ROBO2: variants seen among roughly 807,000 people sequenced by gnomAD.
ROBO2 encodes roundabout guidance receptor 2, also known as roundabout homolog 2.
In ROBO2, 53 loss-of-function variants were observed where a neutral mutation model predicts 160.8. The observed-to-expected ratio is 0.33, with a 90% CI of 0.26 to 0.41. The LOEUF is 0.41. Among genes scored for constraint, ROBO2 ranks in the 10% least tolerant of loss-of-function variants. The pLI is 1.00. For synonymous variants in ROBO2, 664 were observed against 611.7 expected, an observed-to-expected ratio of 1.09 and a Z score of -1.26; for missense variants, 1,577 against 1,722.4, an observed-to-expected ratio of 0.92 and a Z score of 1.49.
intron 1 of ROBO2, among the ~76,000 whole-genome samples, chr3:75,923,272 T>C (rs1449090114): frequency 6.6e-6 from 1 of 152,216 alleles, no homozygotes; most frequent in African/African-American, 2.4e-5. Flanking sequence ...ATGCTTTTAT[T>C]GTGATAGATG....
intron 23 of ROBO2, chr3:77,633,761 C>T (rs960156120): frequency 6.6e-6 from 1 of 152,088 alleles, no homozygotes; most frequent in African/African-American, 2.4e-5. Flanking sequence ...AACTAAAATA[C>T]GTTGTAATAG....
At chr3:76,440,139 GAT>G (rs941464004) in intron 2 of ROBO2, among the ~76,000 whole-genome samples, 1 of 152,170 alleles carries the variant, frequency 6.6e-6, no homozygotes, top group Non-Finnish European at 1.5e-5. Flanking sequence ...GATGTGAAAT[GAT>G]GTGGGGGGAA....
intron 2 of ROBO2, among the ~76,000 whole-genome samples, chr3:77,460,398 G>A (rs565948790): frequency 3.9e-5 from 6 of 152,204 alleles, no homozygotes; most frequent in African/African-American, 1.4e-4. Flanking sequence ...CAGGCAGGTG[G>A]ACACAAGACT....
chr3:77,058,926 A>G (rs981944200), intron 1 of ROBO2, among the ~76,000 whole-genome samples: 1 of 152,196 alleles, frequency 6.6e-6, no homozygotes, highest in Non-Finnish European at 1.5e-5. Flanking sequence ...ACATGTATAT[A>G]TTAATTCATT....
intron 2 of ROBO2, among the ~76,000 whole-genome samples, chr3:77,356,293 A>C: frequency 6.6e-6 from 1 of 152,150 alleles, no homozygotes; most frequent in Admixed American, 6.6e-5. Flanking sequence ...TGATAGCTAA[A>C]TAAAAAGAAA....
chr3:76,519,744 A>C (rs1013097001), intron 2 of ROBO2, among the ~76,000 whole-genome samples: 1 of 152,308 alleles, frequency 6.6e-6, no homozygotes, highest in African/African-American at 2.4e-5. Flanking sequence ...GGGGAAAGGA[A>C]GTGAATTGCA....
intron 2 of ROBO2, among the ~76,000 whole-genome samples, chr3:76,730,281 C>T (rs1206070189): frequency 1.2e-5 from 1 of 85,738 alleles, no homozygotes; most frequent in Non-Finnish European, 2.2e-5. Context: ...ACTCCCTACC[C>T]GCTTGTCCTC....
At chr3:77,387,218 C>T (rs540432739) in intron 2 of ROBO2, among the ~76,000 whole-genome samples, 5 of 150,950 alleles carry the variant, frequency 3.3e-5, no homozygotes, top group South Asian at 4.2e-4. Context: ...TGCTAATGAG[C>T]GTTGGCAGAC....
At chr3:76,690,177 A>T (rs116157984) in intron 2 of ROBO2, among the ~76,000 whole-genome samples, 183 of 152,228 alleles carry the variant, frequency 1.2e-3, no homozygotes, top group African/African-American at 4.0e-3. Flanking sequence ...ACAGGAAAAG[A>T]GACTATAATT....
intron 2 of ROBO2, among the ~76,000 whole-genome samples, chr3:76,395,607 C>G (rs577201092): frequency 9.2e-5 from 14 of 151,862 alleles, no homozygotes; most frequent in Admixed American, 7.9e-4. Context: ...AGAGAAGAAT[C>G]AAATAGACGC....
chr3:77,387,286 T>C (rs2153494688), intron 2 of ROBO2, among the ~76,000 whole-genome samples: 1 of 144,308 alleles, frequency 6.9e-6, no homozygotes, highest in African/African-American at 2.6e-5. Context: ...GAGGATTGCC[T>C]CAGGCCAGGA....
intron 2 of ROBO2, among the ~76,000 whole-genome samples, chr3:76,524,682 T>C (rs1410129505): frequency 1.1e-4 from 16 of 151,370 alleles, no homozygotes; most frequent in African/African-American, 3.9e-4. Context: ...AAACAATGTA[T>C]GTATTGGAAA....
chr3:77,582,454 T>C (rs1440719866), intron 16 of ROBO2, among the ~76,000 whole-genome samples: 1 of 152,212 alleles, frequency 6.6e-6, no homozygotes, highest in African/African-American at 2.4e-5. Context: ...ATGTTATTAT[T>C]AATGTAATCA....
chr3:77,028,562 T>C (rs2063115833), intron 2 of ROBO2, among the ~76,000 whole-genome samples: 1 of 151,908 alleles, frequency 6.6e-6, no homozygotes, highest in Non-Finnish European at 1.5e-5. Flanking sequence ...ATAAAAAAAA[T>C]ACAAAAAACT....
intron 2 of ROBO2, among the ~76,000 whole-genome samples, chr3:76,364,391 C>G (rs2075691306): frequency 6.6e-6 from 1 of 151,948 alleles, no homozygotes; most frequent in South Asian, 2.1e-4. Flanking sequence ...TATGATGTGT[C>G]TGTCATTAGA....
intron 2 of ROBO2, among the ~76,000 whole-genome samples, chr3:77,416,576 G>T (rs944390457): frequency 6.6e-6 from 1 of 151,988 alleles, no homozygotes; most frequent in African/African-American, 2.4e-5. Flanking sequence ...AATCAGCCAG[G>T]TGCAGTGGCA....
intron 2 of ROBO2, among the ~76,000 whole-genome samples, chr3:76,944,299 TTAAA>T (rs2078379366): frequency 2.0e-5 from 3 of 152,260 alleles, no homozygotes; most frequent in Admixed American, 2.0e-4. Flanking sequence ...CAAAACAAAA[TTAAA>T]TAACACATTG....
At chr3:77,421,337 C>T (rs561177019) in intron 2 of ROBO2, among the ~76,000 whole-genome samples, 9 of 152,134 alleles carry the variant, frequency 5.9e-5, no homozygotes, top group Non-Finnish European at 1.0e-4. Context: ...AGAGAAGTTT[C>T]ATTTTATGTA....
At chr3:76,938,366 C>A (rs7650311) in intron 2 of ROBO2, among the ~76,000 whole-genome samples, 6 of 150,910 alleles carry the variant, frequency 4.0e-5, no homozygotes, top group Admixed American at 1.3e-4. Flanking sequence ...CCTACCCCCC[C>A]CAAAAAAGGC....
Sources: allele counts gnomAD v4.1 joint callset (sites outside exome capture counted in the v4.1 genomes callset), GRCh38; gene constraint gnomAD v4.1.1; transcripts MANE v1.5; gene names NCBI Gene and HGNC (gene_info 2026-07-23, HGNC 2026-07-21).